Variants in TGFA observed in about 807,000 individuals in gnomAD.
The protein encoded by TGFA is transforming growth factor alpha.
A neutral mutation model predicts 21.7 loss-of-function variants in TGFA; 12 were observed. That is an observed-to-expected ratio of 0.55 (90% CI 0.35 to 0.90). TGFA has a LOEUF of 0.90. TGFA is among the 40% of genes least tolerant of loss of function. The pLI is 0.01. For missense variants in TGFA, 178 were observed against 210.8 expected (o/e 0.84, Z 0.96); for synonymous variants, 79 against 88.1 (o/e 0.90, Z 0.58).
chr2:70,553,662 C>T (rs1233606686), intron 1 of TGFA, 66 bp downstream of exon 1: 9 of 1,326,946 alleles, frequency 6.8e-6, no homozygotes, highest in Admixed American at 3.9e-5. Context: ...GAAAGGGGAA[C>T]TCGGCGGGGA....
chr2:70,456,766 C>T lies in TGFA; in HGVS notation c.216-278G>A, dbSNP rs570605649. 2.6e-5 allele frequency among the ~76,000 whole-genome samples: 4 copies of T among 152,336 alleles called. No homozygotes were observed. The South Asian group carries it at 8.3e-4, about 32-fold the overall frequency. On this transcript the variant is annotated intron_variant, in intron 3 of 5. Coordinates refer to ENST00000295400, the MANE Select transcript of TGFA (RefSeq NM_003236.4). ...CAATCCATGACTATTGTGACTGTGC[C>T]AAATCCTGGAGGAATAAAGGCAGCA...
chr2:70,483,915 C>T (rs1671199612), intron 2 of TGFA, among the ~76,000 whole-genome samples: 1 of 152,210 alleles, frequency 6.6e-6, no homozygotes, highest in Non-Finnish European at 1.5e-5. Flanking sequence ...ATTCCTTCTG[C>T]AGCCACATTT....
At chr2:70,475,183 G>C (rs1349130632) in intron 2 of TGFA, among the ~76,000 whole-genome samples, 6 of 152,116 alleles carry the variant, frequency 3.9e-5, no homozygotes, top group African/African-American at 1.2e-4. Flanking sequence ...AAAGTACCTG[G>C]TCTTAGAGTT....
intron 2 of TGFA, among the ~76,000 whole-genome samples, chr2:70,513,919 C>T (rs1672183358): frequency 6.6e-6 from 1 of 152,184 alleles, no homozygotes; most frequent in Admixed American, 6.5e-5. Flanking sequence ...TGGGAGAAAT[C>T]AGCACCATTC....
rs1574089299 is a variant in TGFA, at chr2:70,480,742, CAA to C, written c.95-15008_95-15007del. 2.0e-5 allele frequency among the ~76,000 whole-genome samples: 3 copies of C among 152,224 alleles called. No individual in the cohort carries two copies. The South Asian group carries it at 6.2e-4, about 32-fold the overall frequency. On this transcript the variant is annotated intron_variant, in intron 2 of 5. Transcript: ENST00000295400. ...GCATCAGCTAGTATTTTTGCATGCT[CAA>C]AGAGTGGACTGATTTCCGTTGGTGG...
chr2:70,451,695 T>C lies in TGFA; in HGVS notation c.476-829A>G, dbSNP rs1670063909. On this transcript the variant is annotated intron_variant, in intron 5 of 5. Coordinates refer to ENST00000295400, the MANE Select transcript of TGFA (RefSeq NM_003236.4). ...TCTTAAAAGATTAAAAACATTTTTC[T>C]ATTGGTGCTAAAAGAAAAAATAAAA... The C allele has an allele frequency of 5.9e-6, 4 of 683,292 alleles. No individual in the cohort carries two copies. In the Admixed American group the frequency reaches 9.3e-5, roughly 16 times the overall value. The allele number at this position is 683,292 out of a possible 1,614,324, so 42.3% of individuals were successfully genotyped here. A position where few individuals can be genotyped will look rare whatever the true frequency, so the allele number is the denominator to read the frequency against.
intron 2 of TGFA, chr2:70,468,308 A>G (rs1448725551): frequency 6.6e-6 from 1 of 152,054 alleles, no homozygotes; most frequent in Non-Finnish European, 1.5e-5. Context: ...GGGCTGCTGG[A>G]CCCTCCTCTG....
intron 1 of TGFA, among the ~76,000 whole-genome samples, chr2:70,525,755 G>A (rs782640514): frequency 5.9e-5 from 9 of 152,116 alleles, no homozygotes; most frequent in Non-Finnish European, 1.3e-4. Flanking sequence ...CAGACCACCC[G>A]CTAGCCCAGG....
At chr2:70,523,664 C>T (rs1167093930) in intron 1 of TGFA, among the ~76,000 whole-genome samples, 3 of 152,200 alleles carry the variant, frequency 2.0e-5, no homozygotes, top group Non-Finnish European at 4.4e-5. Flanking sequence ...CAGCACTGGG[C>T]TGGGTATAAG....
At chr2:70,486,339 C>G (rs782730532) in intron 2 of TGFA, among the ~76,000 whole-genome samples, 8 of 152,186 alleles carry the variant, frequency 5.3e-5, no homozygotes, top group Non-Finnish European at 1.2e-4. Flanking sequence ...CTAAGGTATA[C>G]TCCTCTTGGT....
chr2:70,499,611 C>G (rs528121495), intron 2 of TGFA, among the ~76,000 whole-genome samples: 1 of 152,296 alleles, frequency 6.6e-6, no homozygotes, highest in East Asian at 1.9e-4. Flanking sequence ...ACTTTCTGTA[C>G]TTCGTTTCTT....
chr2:70,500,705 C>T (rs879953714), intron 2 of TGFA, among the ~76,000 whole-genome samples: 1 of 152,146 alleles, frequency 6.6e-6, no homozygotes, highest in Admixed American at 6.5e-5. Context: ...CCACTGTATC[C>T]TAAATCAAAG....
Position 70,453,277 on chromosome 2 carries a change from C to T in TGFA, c.416G>A (p.Arg139Gln), listed in dbSNP as rs554966762. The T allele has an allele frequency of 1.5e-5, 25 of 1,613,900 alleles. No homozygotes were observed. Among genetic ancestry groups the T allele is most frequent in the African/African-American group, 8.0e-5 (6 of 74,914 alleles). ...HCEWCRALIC[R>Q]HEKPSALLKG... ...CAGGAGGGCGCTGGGCTTCTCGTGC[C>T]GGCAGATGAGGGCCCGGCACCACTC... The change falls in exon 5 of 6, where the codon CGG becomes CAG. Residue 139 changes from arginine to glutamine, a missense_variant. Arg to Gln is a conservative substitution (Grantham distance 43). Coordinates refer to ENST00000295400, the MANE Select transcript of TGFA (RefSeq NM_003236.4).
chr2:70,486,124 T>G (rs1370636734), intron 2 of TGFA, among the ~76,000 whole-genome samples: 5 of 152,222 alleles, frequency 3.3e-5, no homozygotes, highest in African/African-American at 1.2e-4. Flanking sequence ...AGTGGACTTT[T>G]CCCTCACCTA....
intron 2 of TGFA, among the ~76,000 whole-genome samples, chr2:70,466,284 G>A (rs577799720): frequency 9.2e-5 from 14 of 152,306 alleles, no homozygotes; most frequent in Admixed American, 3.3e-4. Flanking sequence ...CGAGGCAGAC[G>A]GATCATGAGG....
In TGFA at chr2:70,551,616, T is replaced by C. The variant is rs548529583; in HGVS notation, c.40+2112A>G. Among the ~76,000 whole-genome samples, 38 of 152,282 alleles carry C rather than the reference T, an allele frequency of 2.5e-4. 1 individual carries two copies. Among genetic ancestry groups the C allele is most frequent in the African/African-American group, 8.4e-4 (35 of 41,548 alleles). ...AAAGCTATATGTGGGAGGCAGCAGTTCTAGTAAACGCACAGAACTCACAGC... is the reference window on the plus strand; with the variant it reads ...AAAGCTATATGTGGGAGGCAGCAGTCCTAGTAAACGCACAGAACTCACAGC... On this transcript the variant is annotated intron_variant, in intron 1 of 5. Transcript: ENST00000295400.
intron 2 of TGFA, among the ~76,000 whole-genome samples, chr2:70,486,243 C>T (rs1161177787): frequency 6.6e-6 from 1 of 152,134 alleles, no homozygotes; most frequent in African/African-American, 2.4e-5. Flanking sequence ...ATATTCTGAC[C>T]TATTCCACAG....
chr2:70,459,906 G>C (rs749668342), intron 3 of TGFA, among the ~76,000 whole-genome samples: 3 of 152,120 alleles, frequency 2.0e-5, no homozygotes, highest in Non-Finnish European at 4.4e-5. Context: ...AGGCACCTGG[G>C]TAACTGCCTC....
At chr2:70,544,266 G>C (rs1432269051) in intron 1 of TGFA, among the ~76,000 whole-genome samples, 2 of 151,672 alleles carry the variant, frequency 1.3e-5, no homozygotes, top group Admixed American at 6.6e-5. Context: ...TAAAGTCCTG[G>C]TCTATGCTAT....
Sources: allele counts gnomAD v4.1 joint callset (sites outside exome capture counted in the v4.1 genomes callset), GRCh38; gene constraint gnomAD v4.1.1; transcripts MANE v1.5; gene names NCBI Gene and HGNC (gene_info 2026-07-23, HGNC 2026-07-21).